The following ZNF704 variants were observed in gnomAD, a reference collection of about 807,000 sequenced individuals.
ZNF704 encodes the protein zinc finger protein 704.
In ZNF704, 10 loss-of-function variants were observed where a neutral mutation model predicts 44.7. That is an observed-to-expected ratio of 0.22 (90% CI 0.14 to 0.38). ZNF704 has a LOEUF of 0.38. ZNF704 is among the 10% of genes least tolerant of loss of function. ZNF704 has a pLI of 1.00. For synonymous variants in ZNF704, 211 were observed against 207.6 expected, an observed-to-expected ratio of 1.02 and a Z score of -0.14; for missense variants, 390 against 545.5, an observed-to-expected ratio of 0.71 and a Z score of 2.84.
At chr8:80,673,958 G>C (rs1187681634) in intron 4 of ZNF704, among the ~76,000 whole-genome samples, 2 of 152,242 alleles carry the variant, frequency 1.3e-5, no homozygotes, top group Non-Finnish European at 2.9e-5. Flanking sequence ...TGTTTCTTCT[G>C]CAGCTCCTGG....
At chr8:80,685,147 AAAAAAAT>A (rs1003115227) in intron 4 of ZNF704, among the ~76,000 whole-genome samples, 3 of 124,470 alleles carry the variant, frequency 2.4e-5, no homozygotes, top group African/African-American at 1.9e-4. Context: ...TATATATAAT[AAAAAAAT>A]AAAAAAATAA....
chr8:80,806,472 G>T (rs1215817854), intron 2 of ZNF704, among the ~76,000 whole-genome samples: 2 of 152,044 alleles, frequency 1.3e-5, no homozygotes, highest in Non-Finnish European at 2.9e-5. Context: ...AAGATGAAAA[G>T]GTTTGTGTTT....
intron 2 of ZNF704, among the ~76,000 whole-genome samples, chr8:80,746,669 A>G (rs1039450617): frequency 6.6e-6 from 1 of 152,170 alleles, no homozygotes; most frequent in African/African-American, 2.4e-5. Flanking sequence ...TACAAGTCCA[A>G]TGGGGGCAGC....
intron 1 of ZNF704, among the ~76,000 whole-genome samples, chr8:80,869,495 T>A (rs181508675): frequency 4.8e-4 from 73 of 152,334 alleles, no homozygotes; most frequent in African/African-American, 1.4e-3. Flanking sequence ...TATACCCACA[T>A]CTGGACTCAT....
chr8:80,686,485 G>A (rs1001444771), intron 4 of ZNF704, among the ~76,000 whole-genome samples: 2 of 152,098 alleles, frequency 1.3e-5, no homozygotes, highest in African/African-American at 2.4e-5. Context: ...GGACTAAAGC[G>A]ATCCTCCCAC....
chr8:80,758,395 G>A (rs928380852), intron 2 of ZNF704, among the ~76,000 whole-genome samples: 5 of 152,070 alleles, frequency 3.3e-5, no homozygotes, highest in African/African-American at 1.2e-4. Context: ...CCCTTATTAA[G>A]CATTTTGCAC....
At chr8:80,800,908 A>C (rs1807888262) in intron 2 of ZNF704, among the ~76,000 whole-genome samples, 1 of 152,186 alleles carries the variant, frequency 6.6e-6, no homozygotes, top group East Asian at 1.9e-4. Context: ...TGCTGTGTTC[A>C]AGAGACCCAT....
At chr8:80,676,214 G>A (rs1374115306) in intron 4 of ZNF704, among the ~76,000 whole-genome samples, 2 of 152,204 alleles carry the variant, frequency 1.3e-5, no homozygotes, top group Non-Finnish European at 2.9e-5. Flanking sequence ...GGAAAACAGA[G>A]AGAGTAAGTG....
At chr8:80,748,955 A>C (rs1322134986) in intron 2 of ZNF704, among the ~76,000 whole-genome samples, 1 of 152,222 alleles carries the variant, frequency 6.6e-6, no homozygotes, top group Admixed American at 6.5e-5. Flanking sequence ...TAATGGTTCC[A>C]ATCATTTTTC....
At chr8:80,674,399 T>C (rs1438359021) in intron 4 of ZNF704, among the ~76,000 whole-genome samples, 2 of 152,212 alleles carry the variant, frequency 1.3e-5, no homozygotes, top group African/African-American at 4.8e-5. Flanking sequence ...ATTTAGGTAG[T>C]GGTTCTGCAG....
At chr8:80,785,785 A>C (rs937024436) in intron 2 of ZNF704, among the ~76,000 whole-genome samples, 2 of 152,120 alleles carry the variant, frequency 1.3e-5, no homozygotes, top group African/African-American at 4.8e-5. Flanking sequence ...CATTCCTAGA[A>C]TCAATCATTT....
At chr8:80,793,050 T>C (rs915400767) in intron 2 of ZNF704, among the ~76,000 whole-genome samples, 3 of 152,182 alleles carry the variant, frequency 2.0e-5, no homozygotes, top group East Asian at 3.8e-4. Context: ...TATAAATACA[T>C]AAAACAACCA....
intron 2 of ZNF704, among the ~76,000 whole-genome samples, chr8:80,770,450 G>A: frequency 6.6e-6 from 1 of 152,102 alleles, no homozygotes; most frequent in East Asian, 1.9e-4. Flanking sequence ...TAATGATGTT[G>A]AACATCTTTT....
intron 2 of ZNF704, among the ~76,000 whole-genome samples, chr8:80,802,017 TAAAC>T (rs745546188): frequency 1.3e-5 from 2 of 151,270 alleles, no homozygotes; most frequent in African/African-American, 2.4e-5. Context: ...CACAGAAACA[TAAAC>T]AACCATCAGA....
intron 2 of ZNF704, among the ~76,000 whole-genome samples, chr8:80,705,624 G>A (rs924234622): frequency 2.0e-5 from 3 of 151,882 alleles, no homozygotes; most frequent in African/African-American, 4.8e-5. Flanking sequence ...GTCAATCTCC[G>A]TGTCTGTGTG....
intron 2 of ZNF704, among the ~76,000 whole-genome samples, chr8:80,800,160 T>C (rs923217130): frequency 3.3e-5 from 5 of 152,086 alleles, no homozygotes; most frequent in Non-Finnish European, 5.9e-5. Flanking sequence ...CTGAGAAATA[T>C]GGGATTATGT....
chr8:80,769,839 C>T (rs1408697155), intron 2 of ZNF704, among the ~76,000 whole-genome samples: 6 of 152,106 alleles, frequency 3.9e-5, no homozygotes, highest in Admixed American at 3.9e-4. Flanking sequence ...CAGTGCCCCA[C>T]TCTACTGGTA....
In ZNF704 at chr8:80,631,998, A is replaced by C. The variant is rs574147884; in HGVS notation, c.*9368T>G. On this transcript the variant is annotated 3_prime_UTR_variant, in exon 9 of 9. Transcript: ENST00000327835. ...GGCAGATGAGGGCAAAGGGGAGGGT[A>C]ATCTTTCAATGGCAAATTCACTGGG... 4.6e-5 allele frequency: 7 copies of C among 152,344 alleles called. No individual in the cohort carries two copies. The highest frequency in any genetic ancestry group is 1.4e-4 in the African/African-American group (6 of 41,576). The allele number at this position is 152,344 out of a possible 1,614,324, so 9.4% of individuals were successfully genotyped here.
chr8:80,668,097 T>C (rs1269796646), intron 5 of ZNF704, among the ~76,000 whole-genome samples: 1 of 152,258 alleles, frequency 6.6e-6, no homozygotes, highest in African/African-American at 2.4e-5. Context: ...ACAGAAAGTT[T>C]TGAGTAAAAT....
Sources: allele counts gnomAD v4.1 joint callset (sites outside exome capture counted in the v4.1 genomes callset), GRCh38; gene constraint gnomAD v4.1.1; transcripts MANE v1.5; gene names NCBI Gene and HGNC (gene_info 2026-07-23, HGNC 2026-07-21).